Variants in TRAPPC9 observed in about 807,000 individuals in gnomAD.
TRAPPC9 encodes the protein IKK2 binding protein.
A neutral mutation model predicts 124.0 loss-of-function variants in TRAPPC9; 83 were observed. The ratio of observed to expected loss-of-function variants is 0.67; its 90% confidence interval spans 0.56 to 0.80. The LOEUF is 0.80. Ranked by LOEUF, TRAPPC9 falls within the 30% of genes least tolerant of loss-of-function variation. The pLI is 0.00. For missense variants in TRAPPC9, 1,302 were observed against 1,508.3 expected (o/e 0.86, Z 2.27); for synonymous variants, 638 against 617.5 (o/e 1.03, Z -0.49).
chr8:139,906,247 C>T (rs1831356947), intron 20 of TRAPPC9, among the ~76,000 whole-genome samples: 1 of 152,252 alleles, frequency 6.6e-6, no homozygotes, highest in Admixed American at 6.5e-5. Context: ...ACAGGTCACC[C>T]TGTCCACAGC....
chr8:140,056,451 T>C (rs1406905324), intron 17 of TRAPPC9, among the ~76,000 whole-genome samples: 2 of 151,058 alleles, frequency 1.3e-5, no homozygotes, highest in Admixed American at 6.6e-5. Flanking sequence ...AAACCTAGCA[T>C]GGTACTGACT....
At chr8:140,354,647 T>A (rs1264028406) in intron 9 of TRAPPC9, among the ~76,000 whole-genome samples, 1 of 152,236 alleles carries the variant, frequency 6.6e-6, no homozygotes, top group Non-Finnish European at 1.5e-5. Flanking sequence ...CGTTTTTCCA[T>A]TCCTGGCTGC....
chr8:139,870,158 T>A (rs545068534), intron 21 of TRAPPC9, among the ~76,000 whole-genome samples: 4 of 152,212 alleles, frequency 2.6e-5, no homozygotes, highest in Admixed American at 6.5e-5. Flanking sequence ...AGAAAAGTGA[T>A]TGGGAAAAGA....
In TRAPPC9 at chr8:140,023,199, G is replaced by A. The variant is rs193224120; in HGVS notation, c.2699+738C>T. 6.6e-5 allele frequency among the ~76,000 whole-genome samples: 10 copies of A among 152,284 alleles called. No homozygotes were observed. The East Asian group carries it at 1.5e-3, about 24-fold the overall frequency. On this transcript the variant is annotated intron_variant, in intron 18 of 22. Coordinates refer to ENST00000438773, the MANE Select transcript of TRAPPC9 (RefSeq NM_001160372.4). ...GCTTCCCGAAGGCTGCTGGCACTACGGAGGAATGGGAGCCACAGAGGGTCC... is the reference window on the plus strand; with the variant it reads ...GCTTCCCGAAGGCTGCTGGCACTACAGAGGAATGGGAGCCACAGAGGGTCC...
At chr8:140,409,862 C>T (rs1387279120) in intron 5 of TRAPPC9, among the ~76,000 whole-genome samples, 9 of 152,052 alleles carry the variant, frequency 5.9e-5, no homozygotes, top group Admixed American at 3.3e-4. Context: ...AGGCGCTGGG[C>T]GCAGTGGCTC....
intron 16 of TRAPPC9, among the ~76,000 whole-genome samples, chr8:140,250,239 T>C (rs1342656286): frequency 2.6e-5 from 4 of 152,204 alleles, no homozygotes; most frequent in Admixed American, 2.6e-4. Flanking sequence ...AAAAAGTGGC[T>C]AGCCCAGTCT....
chr8:140,430,643 G>GT (rs1375931164), intron 4 of TRAPPC9, among the ~76,000 whole-genome samples: 1 of 152,086 alleles, frequency 6.6e-6, no homozygotes, highest in South Asian at 2.1e-4. Flanking sequence ...TGTGGGGGTT[G>GT]TTTTTTGTTT....
intron 7 of TRAPPC9, among the ~76,000 whole-genome samples, chr8:140,395,284 G>C (rs1179683985): frequency 6.6e-6 from 1 of 152,142 alleles, no homozygotes; most frequent in Non-Finnish European, 1.5e-5. Flanking sequence ...GCTCCCTTTG[G>C]TGTGACACTG....
intron 15 of TRAPPC9, among the ~76,000 whole-genome samples, chr8:140,254,605 C>T (rs1322395360): frequency 6.6e-6 from 1 of 152,216 alleles, no homozygotes; most frequent in African/African-American, 2.4e-5. Context: ...CCCTCCTCCT[C>T]CCAGGAAGGG....
intron 21 of TRAPPC9, among the ~76,000 whole-genome samples, chr8:139,883,135 T>G (rs11985006): frequency 6.6e-6 from 1 of 151,822 alleles, no homozygotes; most frequent in Non-Finnish European, 1.5e-5. Flanking sequence ...TTCTCATGGG[T>G]GGGAAAATGG....
At chr8:139,745,105 G>A (rs1818802654) in intron 21 of TRAPPC9, among the ~76,000 whole-genome samples, 1 of 152,202 alleles carries the variant, frequency 6.6e-6, no homozygotes. Context: ...GATGGTGGCC[G>A]TGGCTGCCTT....
At chr8:140,061,093 C>T (rs757084836) in intron 17 of TRAPPC9, among the ~76,000 whole-genome samples, 7 of 152,196 alleles carry the variant, frequency 4.6e-5, no homozygotes, top group Non-Finnish European at 8.8e-5. Flanking sequence ...TTAATATCGT[C>T]AGATCATTCA....
intron 21 of TRAPPC9, among the ~76,000 whole-genome samples, chr8:139,822,714 C>T (rs1226456796): frequency 2.0e-5 from 3 of 152,182 alleles, no homozygotes; most frequent in South Asian, 2.1e-4. Flanking sequence ...CTCTCAGACA[C>T]GCTGCCTGCC....
chr8:140,382,995 T>G (rs1420732465), intron 7 of TRAPPC9, among the ~76,000 whole-genome samples: 2 of 152,222 alleles, frequency 1.3e-5, no homozygotes, highest in African/African-American at 4.8e-5. Flanking sequence ...CAGCAACATT[T>G]GCTGTTCAGC....
intron 17 of TRAPPC9, among the ~76,000 whole-genome samples, chr8:140,080,003 T>C (rs964381982): frequency 3.9e-5 from 6 of 152,140 alleles, no homozygotes; most frequent in Non-Finnish European, 7.4e-5. Context: ...AAGAAGGCGA[T>C]GGCATCACTT....
chr8:139,929,354 T>C (rs1312176072), intron 19 of TRAPPC9, among the ~76,000 whole-genome samples: 2 of 152,172 alleles, frequency 1.3e-5, no homozygotes, highest in African/African-American at 2.4e-5. Flanking sequence ...TAACGTCTGA[T>C]ACATTTGAGT....
Position 140,371,034 on chromosome 8 carries a change from G to A in TRAPPC9, c.1281C>T (p.Ala427=), listed in dbSNP as rs545979845. ...GCGTTTCCAGGAGGAGTTTGTAGCA[G>A]GCCCTCCACCCAGGCTCCGCGATGC... ...APSIAEPGWR[A]CYKLLLETLP... is the part of the protein sequence containing the mutation. Residue 427 remains alanine (A), a synonymous_variant, in exon 8 of 23, where the codon GCC becomes GCT. Coordinates refer to ENST00000438773, the MANE Select transcript of TRAPPC9 (RefSeq NM_001160372.4). 8.1e-5 allele frequency: 130 copies of A among 1,614,260 alleles called. No individual in the cohort carries two copies. The South Asian group carries it at 1.3e-3, about 16-fold the overall frequency.
chr8:140,240,626 G>A (rs2131427935), intron 16 of TRAPPC9, among the ~76,000 whole-genome samples: 2 of 152,322 alleles, frequency 1.3e-5, no homozygotes, highest in East Asian at 3.9e-4. Flanking sequence ...AGGTTGGCGT[G>A]CAGTGGCACA....
intron 15 of TRAPPC9, among the ~76,000 whole-genome samples, chr8:140,260,316 A>G (rs2131548999): frequency 6.6e-6 from 1 of 152,218 alleles, no homozygotes; most frequent in African/African-American, 2.4e-5. Context: ...TTCTGAGCCA[A>G]TGGTGATGCT....
Sources: gnomAD v4.1 joint callset for allele counts (sites outside exome capture counted in the v4.1 genomes callset) on GRCh38, gnomAD v4.1.1 for gene constraint, MANE v1.5 for transcripts, NCBI Gene and HGNC (gene_info 2026-07-23, HGNC 2026-07-21) for gene names.